PTPN21: variants seen among roughly 807,000 people sequenced by gnomAD.
The protein encoded by PTPN21 is protein tyrosine phosphatase non-receptor type 21.
Under a neutral mutation model 131.8 loss-of-function variants are expected in PTPN21, and 77 were observed. The ratio of observed to expected loss-of-function variants is 0.58; its 90% confidence interval spans 0.49 to 0.71. PTPN21 has a LOEUF of 0.71. Ranked by LOEUF, PTPN21 falls within the 30% of genes least tolerant of loss-of-function variation. The pLI, the probability that PTPN21 is intolerant of heterozygous loss-of-function variation, is 0.00. For missense variants in PTPN21, 1,552 were observed against 1,527.1 expected (o/e 1.02, Z -0.27); for synonymous variants, 715 against 621.3 (o/e 1.15, Z -2.24).
At position 88,479,151 on chromosome 14, in the gene PTPN21, G is replaced by A. The variant is rs1312092887; in HGVS notation, c.2280C>T (p.Pro760=). The A allele has an allele frequency of 1.9e-6, 3 of 1,553,142 alleles. No individual in the cohort carries two copies. Among genetic ancestry groups the A allele is most frequent in the Middle Eastern group, 1.7e-4 (1 of 5,814 alleles). The change falls in exon 13 of 19, where the codon CCC becomes CCT. Residue 760 remains proline, a synonymous_variant. Transcript: ENST00000556564. ...TCTCCGCGTCTGGGACGTGGGCCTT[G>A]GGCTCCAGGATGTGCAGGGGCCCGG... The part of the protein sequence containing the change: ...LLAGPLHILE[P]KAHVPDAEKR...
chr14:88,548,827 T>C (rs1470327193), intron 2 of PTPN21, among the ~76,000 whole-genome samples: 1 of 152,154 alleles, frequency 6.6e-6, no homozygotes, highest in African/African-American at 2.4e-5. Flanking sequence ...TTTAAGACAT[T>C]ATATGGATAC....
At position 88,479,709 on chromosome 14, in the gene PTPN21, G is replaced by T. The variant is rs28617592; in HGVS notation, c.1722C>A (p.Pro574=). The part of the protein sequence containing the change: ...RPPPPYPPPR[P]ANSTPDLSRH... ...GGGACAGGTCTGGCGTGCTGTTGGC[G>T]GGCCTGGGGGGCGGGTAGGGTGGGG... Residue 574 remains proline (P), a synonymous_variant, in exon 13 of 19, where the codon CCC becomes CCA. Transcript: ENST00000556564. 61,873 of 1,501,448 alleles carry T rather than the reference G, an allele frequency of 0.041. 1,627 individuals are homozygous for T. The highest frequency in any genetic ancestry group is 0.11 in the African/African-American group (7,509 of 71,436). The allele number at this position is 1,501,448 out of a possible 1,614,324, so 93.0% of individuals were successfully genotyped here.
intron 10 of PTPN21, among the ~76,000 whole-genome samples, chr14:88,487,098 T>TA (rs1167621783): frequency 1.3e-5 from 2 of 150,694 alleles, no homozygotes; most frequent in African/African-American, 2.4e-5. Flanking sequence ...AACAATAAGG[T>TA]AAAAAAAGGA....
chr14:88,541,311 G>C (rs1282576004), intron 2 of PTPN21, among the ~76,000 whole-genome samples: 4 of 152,180 alleles, frequency 2.6e-5, no homozygotes, highest in Non-Finnish European at 5.9e-5. Flanking sequence ...GGAAATCTAA[G>C]TGACATTTGT....
intron 2 of PTPN21, among the ~76,000 whole-genome samples, chr14:88,526,076 T>C (rs575562945): frequency 6.7e-6 from 1 of 150,196 alleles, no homozygotes; most frequent in South Asian, 2.1e-4. Context: ...AGGCCAGGAG[T>C]TCAAGACTAG....
At chr14:88,554,127 G>A (rs545347205) in intron 1 of PTPN21, among the ~76,000 whole-genome samples, 1 of 152,296 alleles carries the variant, frequency 6.6e-6, no homozygotes, top group South Asian at 2.1e-4. Flanking sequence ...TACGCTATTA[G>A]TATAAGGCTT....
rs1012647653 is a variant in PTPN21, at chr14:88,503,059, T to C, written c.587+1366A>G. ...GAGGTAACTAAATCTTTTTCTTTTT[T>C]TTTTTTTTGCTCTGTCACCAGGCTG... On this transcript the variant is annotated intron_variant, in intron 6 of 18. Coordinates refer to ENST00000556564, the MANE Select transcript of PTPN21 (RefSeq NM_007039.4). Among the ~76,000 whole-genome samples, 13 of 151,910 alleles carry C rather than the reference T, an allele frequency of 8.6e-5. 1 individual carries two copies. The East Asian group carries it at 1.9e-3, about 23-fold the overall frequency.
At chr14:88,485,193 A>G in intron 11 of PTPN21, 33 bp from the exon 12 acceptor site, 1 of 1,382,142 alleles carries the variant, frequency 7.2e-7, no homozygotes, top group Non-Finnish European at 1.0e-6. Context: ...CAGGGTTGAA[A>G]CACATTGCTT....
In PTPN21 at chr14:88,479,968, G is replaced by A. The variant is rs1237071633; in HGVS notation, c.1463C>T (p.Ala488Val). Reference protein sequence around the residue: ...GSSYAYSRPAALVYSQPEIRE... With the variant: ...GSSYAYSRPAVLVYSQPEIRE... ...GATCTCGGGCTGGCTGTAGACCAGC[G>A]CCGCGGGCCTGCTGTAGGCGTACGA... Residue 488 changes from alanine (A) to valine (V), a missense_variant, in exon 13 of 19, where the codon GCG becomes GTG. Physicochemically the swap from Ala to Val is moderately conservative, Grantham distance 64 (BLOSUM62 0). This residue lies in a region of PTPN21 where 1,016 missense variants were observed against 883.5 expected (regional missense o/e 1.15). Coordinates refer to ENST00000556564, the MANE Select transcript of PTPN21 (RefSeq NM_007039.4). The A allele has an allele frequency of 1.2e-6, 2 of 1,609,018 alleles. No individual in the cohort carries two copies. Among genetic ancestry groups the A allele is most frequent in the Non-Finnish European group, 1.7e-6 (2 of 1,179,980 alleles).
In PTPN21 at chr14:88,468,896, G is replaced by A. The variant is rs2140076730; in HGVS notation, c.3396+20C>T. 1 of 1,613,814 alleles carries A rather than the reference G, an allele frequency of 6.2e-7. No homozygotes were observed. Among genetic ancestry groups the A allele is most frequent in the Non-Finnish European group, 8.5e-7 (1 of 1,179,916 alleles). Reference sequence around the variant, plus strand: ...CCTCATTTCCACCCAAAAAGGCCAGGTGATCATAAGCGCCATCACCTCATT... The same window carrying A: ...CCTCATTTCCACCCAAAAAGGCCAGATGATCATAAGCGCCATCACCTCATT... On this transcript the variant is annotated intron_variant, in intron 18 of 18. Coordinates refer to ENST00000556564, the MANE Select transcript of PTPN21 (RefSeq NM_007039.4).
chr14:88,553,700 C>G (rs2078893108), intron 1 of PTPN21, among the ~76,000 whole-genome samples: 1 of 151,704 alleles, frequency 6.6e-6, no homozygotes, highest in Non-Finnish European at 1.5e-5. Context: ...TTACAAAAGG[C>G]AGTCTGAACT....
intron 10 of PTPN21, among the ~76,000 whole-genome samples, chr14:88,486,929 T>C (rs955514677): frequency 6.7e-6 from 1 of 150,154 alleles, no homozygotes; most frequent in African/African-American, 2.5e-5. Flanking sequence ...TGAGCCGAGA[T>C]TGCGCCATTG....
chr14:88,468,131 G>C lies in PTPN21; in HGVS notation c.*6C>G, dbSNP rs1389471269. On this transcript the variant is annotated 3_prime_UTR_variant, in exon 19 of 19. Transcript: ENST00000556564. ...CATGACTGGCCCCGTAAGAAATTGT[G>C]GGAGCTTAGATGAGCCTGGAGCTTT... 3.1e-6 allele frequency: 5 copies of C among 1,613,740 alleles called. No homozygotes were observed. Among genetic ancestry groups the C allele is most frequent in the Non-Finnish European group, 4.2e-6 (5 of 1,179,814 alleles).
At chr14:88,477,286 G>A (rs1017366497) in intron 13 of PTPN21, among the ~76,000 whole-genome samples, 3 of 151,494 alleles carry the variant, frequency 2.0e-5, no homozygotes, top group African/African-American at 7.3e-5. Flanking sequence ...AGCAAATTTA[G>A]GCCAGGTGTG....
At chr14:88,549,594 G>A (rs76408777) in intron 2 of PTPN21, among the ~76,000 whole-genome samples, 4 of 151,714 alleles carry the variant, frequency 2.6e-5, no homozygotes, top group Non-Finnish European at 4.4e-5. Context: ...AGCCTGTCGT[G>A]TTTTTTTTAT....
chr14:88,500,300 T>C (rs1203626570), intron 8 of PTPN21, among the ~76,000 whole-genome samples: 2 of 152,090 alleles, frequency 1.3e-5, no homozygotes, highest in Admixed American at 6.6e-5. Context: ...CATGGTGGCA[T>C]TAGCCTGTAG....
intron 2 of PTPN21, among the ~76,000 whole-genome samples, chr14:88,544,073 G>A (rs536242140): frequency 3.9e-5 from 6 of 152,232 alleles, no homozygotes; most frequent in East Asian, 1.9e-4. Context: ...GGCCAGGTGC[G>A]GTGGCTCCTG....
intron 2 of PTPN21, among the ~76,000 whole-genome samples, chr14:88,536,094 C>T (rs2078627573): frequency 1.3e-5 from 2 of 152,208 alleles, no homozygotes; most frequent in South Asian, 4.1e-4. Context: ...AGCAAATTGA[C>T]TTGACCTGTG....
intron 4 of PTPN21, among the ~76,000 whole-genome samples, chr14:88,507,520 C>T (rs2078110390): frequency 6.6e-6 from 1 of 152,092 alleles, no homozygotes; most frequent in Non-Finnish European, 1.5e-5. Flanking sequence ...AACTGTAACA[C>T]AATGGTATTT....
Sources: allele counts gnomAD v4.1 joint callset (sites outside exome capture counted in the v4.1 genomes callset), GRCh38; gene constraint gnomAD v4.1.1; regional missense constraint gnomAD v4.1.1; transcripts MANE v1.5; gene names NCBI Gene and HGNC (gene_info 2026-07-23, HGNC 2026-07-21).